The following ADCK1 variants were observed in gnomAD, a reference collection of about 807,000 sequenced individuals.
The protein encoded by ADCK1 is aarF domain containing kinase 1.
ADCK1 carries 41 observed loss-of-function variants against 52.3 expected under a neutral mutation model. The ratio of observed to expected loss-of-function variants is 0.78; its 90% CI spans 0.61 to 1.02. ADCK1 has a LOEUF of 1.02. Among genes scored for constraint, ADCK1 ranks in the 50% least tolerant of loss-of-function variants. The pLI is 0.00. For synonymous variants in ADCK1, 250 were observed against 274.6 expected (o/e 0.91, Z 0.89); for missense variants, 658 against 679.5 (o/e 0.97, Z 0.35).
At chr14:77,812,867 G>C (rs945804203) in intron 1 of ADCK1, among the ~76,000 whole-genome samples, 1 of 152,074 alleles carries the variant, frequency 6.6e-6, no homozygotes, top group Non-Finnish European at 1.5e-5. Flanking sequence ...TGGGGTTACA[G>C]ATATGAGTCA....
chr14:77,814,437 C>A (rs12892732), intron 1 of ADCK1, among the ~76,000 whole-genome samples: 1,277 of 122,516 alleles, frequency 0.01, 7 homozygotes, highest in Middle Eastern at 0.041. Context: ...AAAAAAAAAA[C>A]AAAAAACAAA....
intron 4 of ADCK1, among the ~76,000 whole-genome samples, chr14:77,875,417 CA>C (rs1252017285): frequency 6.6e-6 from 1 of 151,920 alleles, no homozygotes; most frequent in African/African-American, 2.4e-5. Flanking sequence ...AGAACGTCGG[CA>C]AGTGGCACTG....
rs116238153 is a variant in ADCK1, at chr14:77,842,338, A to G, written c.220-16738A>G. The stretch of plus-strand genomic sequence containing the variant: ...TCTATGTGTGTTCACTTGTCCGCCA[A>G]ATGTGCTGCCTGTTGGTCTTCACAT... On this transcript the variant is annotated intron_variant, in intron 3 of 10. Coordinates refer to ENST00000238561, the MANE Select transcript of ADCK1 (RefSeq NM_020421.4). Among the ~76,000 whole-genome samples, 686 of 152,244 alleles carry G rather than the reference A, an allele frequency of 4.5e-3. 7 individuals carry two copies. The highest frequency in any genetic ancestry group is 0.016 in the African/African-American group (645 of 41,550).
In ADCK1 at chr14:77,806,180, C is replaced by T. The variant is rs144646455; in HGVS notation, c.-12+6010C>T. 5.5e-4 allele frequency among the ~76,000 whole-genome samples: 84 copies of T among 151,804 alleles called. No homozygotes were observed. In the East Asian group the frequency reaches 0.015, roughly 28 times the overall value. ...AGCTCAAGCGGTCTTCCCACCTCAGCCTCCCAAAGTGTTGGGATTACAGGT... is the reference window on the plus strand; with the variant it reads ...AGCTCAAGCGGTCTTCCCACCTCAGTCTCCCAAAGTGTTGGGATTACAGGT... On this transcript the variant is annotated intron_variant, in intron 1 of 10. Transcript: ENST00000238561.
intron 1 of ADCK1, among the ~76,000 whole-genome samples, chr14:77,802,624 G>A (rs1010595763): frequency 2.0e-5 from 3 of 152,050 alleles, no homozygotes; most frequent in Admixed American, 1.3e-4. Flanking sequence ...TGAGTGCTTA[G>A]GCATCAAACA....
intron 1 of ADCK1, among the ~76,000 whole-genome samples, chr14:77,817,276 A>G (rs952410101): frequency 1.1e-4 from 16 of 152,310 alleles, no homozygotes; most frequent in African/African-American, 3.6e-4. Flanking sequence ...CTTGTTTGTA[A>G]TAATAGTTTC....
At chr14:77,900,574 G>A (rs1404536720) in intron 6 of ADCK1, 2 of 454,080 alleles carry the variant, frequency 4.4e-6, no homozygotes, top group African/African-American at 4.0e-5. Context: ...GCAACAGAGC[G>A]AGACTGCGTC....
At chr14:77,901,105 C>T (rs1251979317) in intron 6 of ADCK1, among the ~76,000 whole-genome samples, 3 of 148,032 alleles carry the variant, frequency 2.0e-5, no homozygotes, top group East Asian at 2.0e-4. Context: ...AGTGCAGTGG[C>T]GCGATCTCAG....
intron 4 of ADCK1, among the ~76,000 whole-genome samples, chr14:77,864,295 G>A (rs1315552506): frequency 6.6e-6 from 1 of 152,170 alleles, no homozygotes; most frequent in African/African-American, 2.4e-5. Context: ...GTTTGCTCAA[G>A]GTTTAAGCAA....
At chr14:77,929,855 T>TG (rs1465931494) in intron 9 of ADCK1, among the ~76,000 whole-genome samples, 1 of 152,000 alleles carries the variant, frequency 6.6e-6, no homozygotes, top group African/African-American at 2.4e-5. Context: ...TTAGTAGAGA[T>TG]GGGGTTTCGC....
chr14:77,859,025 AG>A (rs774139527), intron 3 of ADCK1, 50 bp from the exon 4 acceptor site: 1 of 1,498,904 alleles, frequency 6.7e-7, no homozygotes, highest in Admixed American at 1.9e-5. Flanking sequence ...AACAAGGTGT[AG>A]GGAACAGTCT....
At chr14:77,818,352 G>A (rs1160140654) in intron 1 of ADCK1, among the ~76,000 whole-genome samples, 1 of 152,044 alleles carries the variant, frequency 6.6e-6, no homozygotes, top group East Asian at 1.9e-4. Context: ...CACGATCTCA[G>A]CTCACTGCAG....
At chr14:77,825,895 T>G (rs973438597) in intron 3 of ADCK1, among the ~76,000 whole-genome samples, 4 of 152,198 alleles carry the variant, frequency 2.6e-5, no homozygotes, top group Non-Finnish European at 4.4e-5. Flanking sequence ...GCTATGGGCC[T>G]TGGCATCCAC....
intron 7 of ADCK1, among the ~76,000 whole-genome samples, chr14:77,919,434 G>A (rs531177689): frequency 4.6e-5 from 7 of 152,248 alleles, no homozygotes; most frequent in Admixed American, 4.6e-4. Context: ...CCTTTTTATG[G>A]CTGAGTGGTA....
intron 4 of ADCK1, among the ~76,000 whole-genome samples, chr14:77,869,173 T>G (rs2082723574): frequency 6.6e-6 from 1 of 152,160 alleles, no homozygotes; most frequent in South Asian, 2.1e-4. Context: ...ATTGGTTTTC[T>G]CGGGCTAGCC....
In ADCK1 at chr14:77,832,359, A is replaced by G. The variant is rs544866489; in HGVS notation, c.219+9841A>G. Among the ~76,000 whole-genome samples, 3 of 152,278 alleles carry G rather than the reference A, an allele frequency of 2.0e-5. No individual in the cohort carries two copies. The South Asian group carries it at 6.2e-4, about 32-fold the overall frequency. ...GATCTTGATGTTCAGATACTGCCCA[A>G]TCTCATGTTCTTTGCACTTTATACT... is the stretch of plus-strand genomic sequence containing the variant. On this transcript the variant is annotated intron_variant, in intron 3 of 10. Coordinates refer to ENST00000238561, the MANE Select transcript of ADCK1 (RefSeq NM_020421.4).
At chr14:77,834,741 G>A (rs1248541363) in intron 3 of ADCK1, among the ~76,000 whole-genome samples, 1 of 152,176 alleles carries the variant, frequency 6.6e-6, no homozygotes, top group Non-Finnish European at 1.5e-5. Flanking sequence ...CACATGGGTG[G>A]GCTTCCTGCT....
chr14:77,877,142 G>T (rs1204267371), intron 4 of ADCK1, among the ~76,000 whole-genome samples: 3 of 152,210 alleles, frequency 2.0e-5, no homozygotes, highest in African/African-American at 7.2e-5. Context: ...TTGCACCTGG[G>T]AGGTGGAGGC....
At chr14:77,853,790 C>T (rs2082362507) in intron 3 of ADCK1, among the ~76,000 whole-genome samples, 1 of 152,166 alleles carries the variant, frequency 6.6e-6, no homozygotes, top group Non-Finnish European at 1.5e-5. Flanking sequence ...GGTGGGGTCT[C>T]TGCAGATCTT....
Sources: gnomAD v4.1 joint callset for allele counts (sites outside exome capture counted in the v4.1 genomes callset) on GRCh38, gnomAD v4.1.1 for gene constraint, MANE v1.5 for transcripts, NCBI Gene and HGNC (gene_info 2026-07-23, HGNC 2026-07-21) for gene names.